AP2A1: variants seen among roughly 807,000 people sequenced by gnomAD.
AP2A1 encodes the protein adaptor related protein complex 2 subunit alpha 1, also known as AP-2 complex subunit alpha-1.
AP2A1 carries 21 observed loss-of-function variants against 107.3 expected under a neutral mutation model. That is an observed-to-expected ratio of 0.20 (90% CI 0.14 to 0.28). The LOEUF (loss-of-function observed/expected upper bound fraction) is 0.28. Ranked by LOEUF, AP2A1 falls within the 10% of genes least tolerant of loss-of-function variation. The probability of loss-of-function intolerance (pLI) is 1.00; values close to 1 mark genes in which losing one functional copy is unlikely to be tolerated. For missense variants in AP2A1, 873 were observed against 1,307.7 expected, an observed-to-expected ratio of 0.67 and a Z score of 5.13; for synonymous variants, 602 against 564.8, an observed-to-expected ratio of 1.07 and a Z score of -0.93.
intron 18 of AP2A1, 47 bp from the exon 19 acceptor site, chr19:49,805,406 C>T (rs1182610724): frequency 1.3e-6 from 2 of 1,491,602 alleles, no homozygotes; most frequent in East Asian, 5.0e-5. Context: ...CCAGACCTCC[C>T]GGGGGCCCAC....
In AP2A1 at chr19:49,798,788, CT is replaced by C; in HGVS notation, c.815-12del. 1 of 1,600,640 alleles carries C rather than the reference CT, an allele frequency of 6.2e-7. No individual in the cohort carries two copies. Among genetic ancestry groups the C allele is most frequent in the Non-Finnish European group, 8.5e-7 (1 of 1,173,866 alleles). On this transcript the variant is annotated splice_polypyrimidine_tract_variant and intron_variant, in intron 7 of 22. Transcript: ENST00000354293. ...CAGGACACTCAGCCGGGGGCGTCCCCTTCGTTTCCCCAGAGGATGCGGCTGT... is the reference window on the plus strand; with the variant it reads ...CAGGACACTCAGCCGGGGGCGTCCCCTCGTTTCCCCAGAGGATGCGGCTGT...
chr19:49,781,461 G>A (rs566406824), intron 1 of AP2A1, among the ~76,000 whole-genome samples: 1 of 152,278 alleles, frequency 6.6e-6, no homozygotes, highest in Non-Finnish European at 1.5e-5. Flanking sequence ...CTCAGGGAGC[G>A]TGTCTGGGGC....
chr19:49,795,606 T>G, intron 6 of AP2A1, 24 bp from the exon 7 acceptor site: 1 of 362,310 alleles, frequency 2.8e-6, no homozygotes, highest in Non-Finnish European at 5.2e-6. Flanking sequence ...AGCCCCCAAC[T>G]TATTTCTTGC....
chr19:49,801,191 C>A, intron 12 of AP2A1, 133 bp downstream of exon 12: 1 of 1,019,894 alleles, frequency 9.8e-7, no homozygotes. Context: ...ATCCACCTAG[C>A]AGGGTAAGAA....
intron 6 of AP2A1, 48 bp from the exon 7 acceptor site, chr19:49,795,582 G>GCCCCCCCCCCCCCCC: frequency 4.3e-6 from 3 of 692,054 alleles, no homozygotes; most frequent in Admixed American, 2.2e-5. Context: ...GGACCCACGT[G>GCCCCCCCCCCCCCCC]CCCCTCCCAC....
intron 1 of AP2A1, among the ~76,000 whole-genome samples, chr19:49,768,779 C>T (rs556054816): frequency 3.3e-5 from 5 of 152,284 alleles, no homozygotes; most frequent in African/African-American, 1.2e-4. Flanking sequence ...AGGGATGTGA[C>T]CCTCCACGAG....
At chr19:49,792,851 C>T (rs1374859611) in intron 5 of AP2A1, 140 bp from the exon 6 acceptor site, 11 of 738,156 alleles carry the variant, frequency 1.5e-5, no homozygotes, top group South Asian at 5.2e-5. Context: ...CCCTAAAGCA[C>T]GCACAGTGAC....
intron 1 of AP2A1, among the ~76,000 whole-genome samples, chr19:49,772,766 C>T (rs1469306120): frequency 1.3e-5 from 2 of 151,906 alleles, no homozygotes; most frequent in South Asian, 2.1e-4. Context: ...TCCCAAAGTG[C>T]TGGGATTACA....
chr19:49,796,943 T>A (rs2073221414), intron 7 of AP2A1: 1 of 152,264 alleles, frequency 6.6e-6, no homozygotes, highest in South Asian at 2.1e-4. Flanking sequence ...GTATACGATA[T>A]GGAGGTGACA....
chr19:49,804,226 AAAAAAG>A (rs1416022958), intron 18 of AP2A1: 4 of 150,876 alleles, frequency 2.7e-5, no homozygotes, highest in East Asian at 3.9e-4. Flanking sequence ...ACAGTCTCAA[AAAAAAG>A]AAAAAGAAAA....
rs1348486665 is a variant in AP2A1, at chr19:49,772,528, C to T, written c.67+5328C>T. On this transcript the variant is annotated intron_variant, in intron 1 of 22. Transcript: ENST00000354293. ...TTTTTTTTTTGGAAACGGAGTCTCG[C>T]TCTGTCCCCCAGGCTGGAGTGCGGT... Among the ~76,000 whole-genome samples, 10 of 150,636 alleles carry T rather than the reference C, an allele frequency of 6.6e-5. No homozygotes were observed. In the East Asian group the frequency reaches 9.9e-4, roughly 15 times the overall value.
intron 1 of AP2A1, among the ~76,000 whole-genome samples, chr19:49,778,121 T>C (rs1393576959): frequency 6.6e-6 from 1 of 152,186 alleles, no homozygotes; most frequent in Non-Finnish European, 1.5e-5. Context: ...TCAAGTACAA[T>C]TGAGTGAATA....
At chr19:49,802,549 T>G in intron 15 of AP2A1, 1 of 1,605,078 alleles carries the variant, frequency 6.2e-7, no homozygotes, top group South Asian at 1.1e-5. Context: ...TGGAGCCGCC[T>G]GCCCCCGAGA....
At chr19:49,791,432 G>A (rs979366028) in intron 4 of AP2A1, among the ~76,000 whole-genome samples, 6 of 152,000 alleles carry the variant, frequency 3.9e-5, no homozygotes, top group Non-Finnish European at 5.9e-5. Context: ...TCTCACTGTC[G>A]CCCAGGCTGG....
intron 1 of AP2A1, among the ~76,000 whole-genome samples, chr19:49,772,885 A>C (rs1056325416): frequency 3.3e-5 from 5 of 151,566 alleles, no homozygotes; most frequent in Non-Finnish European, 5.9e-5. Context: ...GCAGAGAGGG[A>C]TGGGATCTGA....
chr19:49,793,169 C>T, intron 6 of AP2A1, 77 bp downstream of exon 6: 1 of 1,338,660 alleles, frequency 7.5e-7, no homozygotes, highest in African/African-American at 1.4e-5. Context: ...CAGGCCCCCA[C>T]TCTCCCTGAG....
At position 49,781,671 on chromosome 19, in the gene AP2A1, G is replaced by GC. The variant is rs573349051; in HGVS notation, c.68-85dup. ...GGGGCGGAGAAGATCTGCCCTTCCT[G>GC]CTGGGTGGGGCCGCGCCTAGGAAAG... On this transcript the variant is annotated intron_variant, in intron 1 of 22. Coordinates refer to ENST00000354293, the MANE Select transcript of AP2A1 (RefSeq NM_130787.3). The GC allele has an allele frequency of 1.2e-5, 16 of 1,360,534 alleles. No homozygotes were observed. In the South Asian group the frequency reaches 1.3e-4, roughly 11 times the overall value. The allele number at this position is 1,360,534 out of a possible 1,614,324, so 84.3% of individuals were successfully genotyped here. A position where few individuals can be genotyped will look rare whatever the true frequency, so the allele number is the denominator to read the frequency against.
At chr19:49,793,881 G>GCAT (rs1479888078) in intron 6 of AP2A1, among the ~76,000 whole-genome samples, 3 of 147,976 alleles carry the variant, frequency 2.0e-5, no homozygotes, top group East Asian at 4.0e-4. Context: ...ACCAGCTCGT[G>GCAT]CATCCACTCA....
chr19:49,806,548 T>A (rs1190753311), intron 22 of AP2A1, 133 bp from the exon 23 acceptor site: 11 of 1,485,502 alleles, frequency 7.4e-6, no homozygotes, highest in Non-Finnish European at 9.8e-6. Flanking sequence ...GATTTCAGTC[T>A]TACATTTTTC....
Sources: gnomAD v4.1 joint callset for allele counts (sites outside exome capture counted in the v4.1 genomes callset) on GRCh38, gnomAD v4.1.1 for gene constraint, MANE v1.5 for transcripts, NCBI Gene and HGNC (gene_info 2026-07-23, HGNC 2026-07-21) for gene names.